The following KPRP variants were observed in gnomAD, a reference collection of about 807,000 sequenced individuals.
The protein encoded by KPRP is keratinocyte proline rich protein, also known as keratinocyte proline-rich protein.
For missense variants in KPRP, 820 were observed against 746.4 expected, an observed-to-expected ratio of 1.10 and a Z score of -1.15; for synonymous variants, 282 against 276.9, an observed-to-expected ratio of 1.02 and a Z score of -0.18.
chr1:152,759,793 A>T (rs964384544), exon 1 of KPRP: 12 of 1,613,908 alleles, frequency 7.4e-6, no homozygotes, highest in Non-Finnish European at 1.0e-5. Flanking sequence ...CCAGTCTCAG[A>T]CCACACAGGT....
At chr1:152,761,768 C>T (rs879600763) in exon 1 of KPRP, 18 of 182,790 alleles carry the variant, frequency 9.8e-5, no homozygotes, top group Admixed American at 6.7e-4. Flanking sequence ...GTGCCGACTT[C>T]CTAGAACTCA....
chr1:152,760,047 T>C (rs964735096), exon 1 of KPRP: 2 of 1,614,192 alleles, frequency 1.2e-6, no homozygotes, highest in South Asian at 1.1e-5. Flanking sequence ...TCCAGAACTA[T>C]GTACCCTGTC....
exon 1 of KPRP, chr1:152,759,968 C>T: frequency 6.2e-7 from 1 of 1,614,214 alleles, no homozygotes; most frequent in East Asian, 2.2e-5. Flanking sequence ...GCGTCACAAC[C>T]TGTTCAGACT....
chr1:152,760,773 A>T lies in KPRP; in HGVS notation c.1185A>T (p.Pro395=), dbSNP rs753854180. The T allele has an allele frequency of 6.2e-6, 10 of 1,614,036 alleles. No homozygotes were observed. The East Asian group carries it at 2.2e-4, about 36-fold the overall frequency. The change falls in exon 1 of 1, where the codon CCA becomes CCT. Residue 395 remains proline, a synonymous_variant. Transcript: ENST00000606109. ...GTCTTGACCAGTGTCCAGAGTCACC[A>T]CTGCAGCGATGTCCACCTCCTGCTC...
chr1:152,761,043 C>T (rs772369340), exon 1 of KPRP: 2 of 1,613,676 alleles, frequency 1.2e-6, no homozygotes, highest in Non-Finnish European at 8.5e-7. Flanking sequence ...CGGCGCCCTG[C>T]CCAAGCCCGG....
chr1:152,761,099 C>T, exon 1 of KPRP: 1 of 1,614,094 alleles, frequency 6.2e-7, no homozygotes, highest in Non-Finnish European at 8.5e-7. Flanking sequence ...TGCTGGGGCC[C>T]AAATCCAGTT....
upstream of KPRP, among the ~76,000 whole-genome samples, chr1:152,759,075 G>A (rs926810041): frequency 8.5e-5 from 13 of 152,248 alleles, no homozygotes; most frequent in Non-Finnish European, 1.8e-4. Flanking sequence ...TTGACATTTT[G>A]TGAATGCAGA....
At chr1:152,758,621 G>T (rs1290766058), upstream of KPRP, among the ~76,000 whole-genome samples, 1 of 152,162 alleles carries the variant, frequency 6.6e-6, no homozygotes. Context: ...TGGTGTCAGG[G>T]TGTATGCCTG....
chr1:152,760,305 C>T (rs767158824), exon 1 of KPRP: 2 of 1,614,172 alleles, frequency 1.2e-6, no homozygotes, highest in South Asian at 2.2e-5. Context: ...CCCAGGGCTC[C>T]TATGGGAGCT....
At chr1:152,761,145 TCCACAC>T (rs1376500303) in exon 1 of KPRP, 1 of 1,614,056 alleles carries the variant, frequency 6.2e-7, no homozygotes, top group African/African-American at 1.3e-5. Flanking sequence ...ATGAGTCTAG[TCCACAC>T]CGCCTAGACA....
rs141557248 is a variant in KPRP at position 152,760,996 on chromosome 1, C to T, written c.1408C>T (p.Pro470Ser). The stretch of plus-strand genomic sequence containing the variant: ...TCCATGCCTGCAGCCCTGTGAGCAC[C>T]CAGAGCCTTGTCCACGACCAGAGCC... The change falls in exon 1 of 1, where the codon CCA becomes TCA. Residue 470 changes from proline (P) to serine (S), a missense_variant. By Grantham distance (74) the Pro-to-Ser change is moderately conservative. Transcript: ENST00000606109. 1,573 of 1,612,288 alleles carry T rather than the reference C, an allele frequency of 9.8e-4. 7 individuals carry two copies. The Middle Eastern group carries it at 0.022, about 22-fold the overall frequency.
chr1:152,760,780 CG>C lies in KPRP; in HGVS notation c.1193del (p.Arg398HisfsTer17), dbSNP rs1651096360. The C allele has an allele frequency of 6.2e-7, 1 of 1,614,084 alleles. No homozygotes were observed. ...CCAGTGTCCAGAGTCACCACTGCAG[CG>C]ATGTCCACCTCCTGCTCCACGTCCA... On this transcript the variant is annotated frameshift_variant, in exon 1 of 1. Transcript: ENST00000606109. LOFTEE classifies it low-confidence loss of function (END_TRUNC).
At position 152,760,293 on chromosome 1, in the gene KPRP, G is replaced by A. The variant is rs774126096; in HGVS notation, c.705G>A (p.Gln235=). Reference sequence around the variant, plus strand: ...TTAGTCCCTGTGTGCCCCAGTGCCAGACCCAGGGCTCCTATGGGAGCTTCA... The same window carrying A: ...TTAGTCCCTGTGTGCCCCAGTGCCAAACCCAGGGCTCCTATGGGAGCTTCA... Residue 235 remains glutamine, a synonymous_variant, in exon 1 of 1, where the codon CAG becomes CAA. Transcript: ENST00000606109. 19 of 1,614,014 alleles carry A rather than the reference G, an allele frequency of 1.2e-5. No individual in the cohort carries two copies. In the South Asian group the frequency reaches 1.8e-4, roughly 15 times the overall value.
exon 1 of KPRP, chr1:152,760,132 T>C (rs758435379): frequency 6.2e-7 from 1 of 1,614,162 alleles, no homozygotes; most frequent in Non-Finnish European, 8.5e-7. Context: ...CTCCACCCAG[T>C]GCCAGTATCA....
At chr1:152,761,304 G>A in exon 1 of KPRP, 1 of 1,613,846 alleles carries the variant, frequency 6.2e-7, no homozygotes, top group Admixed American at 1.7e-5. Context: ...GAGTGAAAGG[G>A]GAAGCAAAGA....
chr1:152,759,919 G>T, exon 1 of KPRP: 1 of 1,614,200 alleles, frequency 6.2e-7, no homozygotes, highest in Non-Finnish European at 8.5e-7. Context: ...TCAAAGCCAG[G>T]CTCCATGCCA....
rs755668740 is a variant in KPRP at position 152,760,940 on chromosome 1, G to T, written c.1352G>T (p.Arg451Leu). 10 of 1,612,766 alleles carry T rather than the reference G, an allele frequency of 6.2e-6. 1 individual carries two copies. Among genetic ancestry groups the T allele is most frequent in the Middle Eastern group, 3.3e-4 (2 of 6,062 alleles). ...ACACCGCGGCCAGTTCCCCTTCCTC[G>T]CCCAGGGCAGTGTGAGATTCCAGAG... The change falls in exon 1 of 1, where the codon CGC becomes CTC. Residue 451 changes from arginine (R) to leucine (L), a missense_variant. By Grantham distance (102) the Arg-to-Leu change is moderately radical. Coordinates refer to ENST00000606109, the Ensembl canonical transcript of KPRP.
chr1:152,761,522 C>A (rs867976205), exon 1 of KPRP: 6 of 1,047,178 alleles, frequency 5.7e-6, no homozygotes, highest in Non-Finnish European at 6.7e-6. Context: ...TCCAGCCTCA[C>A]GTGTCACTCC....
At chr1:152,759,997 C>G in exon 1 of KPRP, 1 of 1,614,182 alleles carries the variant, frequency 6.2e-7, no homozygotes, top group South Asian at 1.1e-5. Context: ...AGAATGTGCT[C>G]CAGTTTGTTA....
Sources: gnomAD v4.1 joint callset for allele counts (sites outside exome capture counted in the v4.1 genomes callset) on GRCh38, gnomAD v4.1.1 for gene constraint, MANE v1.5 for transcripts, NCBI Gene and HGNC (gene_info 2026-07-23, HGNC 2026-07-21) for gene names.